Variants in H3C6 observed in about 807,000 individuals in gnomAD.
H3C6 encodes histone H3.1.
A neutral mutation model predicts 8.0 loss-of-function variants in H3C6; 17 were observed. The ratio of observed to expected loss-of-function variants is 2.13; its 90% confidence interval spans 1.46 to 3.19. The LOEUF is 3.19. Ranked by LOEUF, H3C6 falls within the 30% of genes most tolerant of loss-of-function variation. The pLI is 0.00. For synonymous variants in H3C6, 169 were observed against 78.0 expected (o/e 2.17, Z -6.15); for missense variants, 298 against 193.8 (o/e 1.54, Z -3.19).
upstream of H3C6, chr6:26,224,885 G>C (rs550609643): frequency 6.6e-6 from 2 of 300,862 alleles, no homozygotes; most frequent in East Asian, 1.3e-4. Flanking sequence ...TAAGTTAAAT[G>C]ATCAATGTCT....
At chr6:26,227,143 A>G (rs1208491693), downstream of H3C6, 1 of 152,196 alleles carries the variant, frequency 6.6e-6, no homozygotes. Context: ...TGCGTGAGGA[A>G]AACAGCCTAA....
downstream of H3C6, chr6:26,225,741 T>C: frequency 1.2e-6 from 1 of 814,912 alleles, no homozygotes; most frequent in East Asian, 2.9e-5. Flanking sequence ...TTTCCAAATT[T>C]AAGCGCTCCC....
downstream of H3C6, chr6:26,225,866 A>C: frequency 3.8e-6 from 1 of 266,116 alleles, no homozygotes; most frequent in Non-Finnish European, 7.1e-6. Context: ...CGTTTTCTAA[A>C]CTCCTGGCCA....
At position 26,225,565 on chromosome 6, in the gene H3C6, A is replaced by G. The variant is rs773277981; in HGVS notation, c.411A>G (p.Ter137TrpextTer?). 4 of 1,611,710 alleles carry G rather than the reference A, an allele frequency of 2.5e-6. No individual in the cohort carries two copies. The African/African-American group carries it at 4.0e-5, about 16-fold the overall frequency. Residue 137 changes from the stop codon to tryptophan, a stop_lost, in exon 1 of 1, where the codon TGA (stop) becomes TGG (tryptophan). Transcript: ENST00000614911. ...LARRIRGERA[*>W] Reference sequence around the variant, plus strand: ...GCCGCATTCGTGGGGAGAGGGCGTGAATTGTTTTGAGTACAAACCTTAAAT... The same window carrying G: ...GCCGCATTCGTGGGGAGAGGGCGTGGATTGTTTTGAGTACAAACCTTAAAT...
upstream of H3C6, chr6:26,225,109 G>A (rs1278508790): frequency 4.0e-6 from 6 of 1,517,528 alleles, no homozygotes; most frequent in African/African-American, 2.8e-5. Flanking sequence ...TTCCTATATA[G>A]AGGGGCAAAC....
chr6:26,225,598 C>T lies in H3C6; in HGVS notation c.*33C>T, dbSNP rs774369429. On this transcript the variant is annotated 3_prime_UTR_variant, in exon 1 of 1. Transcript: ENST00000614911. Reference sequence around the variant, plus strand: ...TGAGTACAAACCTTAAATCCAAAGGCTCTTCTCAGAGCCAACCACTTTGTC... The same window carrying T: ...TGAGTACAAACCTTAAATCCAAAGGTTCTTCTCAGAGCCAACCACTTTGTC... 7 of 1,591,674 alleles carry T rather than the reference C, an allele frequency of 4.4e-6. No individual in the cohort carries two copies. The highest frequency in any genetic ancestry group is 5.1e-6 in the Non-Finnish European group (6 of 1,169,108).
chr6:26,225,824 A>G, downstream of H3C6: 1 of 406,210 alleles, frequency 2.5e-6, no homozygotes, highest in Non-Finnish European at 4.4e-6. Flanking sequence ...TTTGCTGTTC[A>G]GGCCCTCTGC....
Position 26,225,366 on chromosome 6 carries a change from T to A in H3C6, c.212T>A (p.Leu71Gln). Residue 71 changes from leucine to glutamine, a missense_variant, in exon 1 of 1, where the codon CTG (leucine) becomes CAG (glutamine). Transcript: ENST00000614911. The part of the protein sequence containing the change: ...LLIRKLPFQR[L>Q]VREIAQDFKT... ...ATCCGGAAGCTGCCGTTTCAGCGCCTGGTGCGAGAAATAGCTCAGGACTTC... is the reference window on the plus strand; with the variant it reads ...ATCCGGAAGCTGCCGTTTCAGCGCCAGGTGCGAGAAATAGCTCAGGACTTC... The A allele has an allele frequency of 6.2e-7, 1 of 1,614,258 alleles. No individual in the cohort carries two copies. Among genetic ancestry groups the A allele is most frequent in the Non-Finnish European group, 8.5e-7 (1 of 1,180,040 alleles).
At chr6:26,224,720 A>T (rs1044845908), upstream of H3C6, among the ~76,000 whole-genome samples, 3 of 152,232 alleles carry the variant, frequency 2.0e-5, no homozygotes, top group Admixed American at 2.0e-4. Context: ...AGAGATACTT[A>T]GGCAACGGAT....
At chr6:26,224,275 G>C (rs972136761), upstream of H3C6, 1 of 152,150 alleles carries the variant, frequency 6.6e-6, no homozygotes, top group Non-Finnish European at 1.5e-5. Context: ...GTGTGGAAGC[G>C]AAAACCAAGT....
downstream of H3C6, chr6:26,225,617 C>T (rs1313528255): frequency 1.9e-6 from 3 of 1,560,542 alleles, no homozygotes; most frequent in South Asian, 1.2e-5. Flanking sequence ...GAGCCAACCA[C>T]TTTGTCCGTG....
At chr6:26,225,632 G>A (rs1011263894), downstream of H3C6, 3 of 1,541,160 alleles carry the variant, frequency 1.9e-6, no homozygotes, top group African/African-American at 2.8e-5. Flanking sequence ...TCCGTGAAAA[G>A]GGCTGTAATC....
downstream of H3C6, chr6:26,226,846 ATT>A (rs546787591): frequency 2.0e-5 from 3 of 152,230 alleles, no homozygotes; most frequent in South Asian, 6.2e-4. Flanking sequence ...ATTTGGAAGA[ATT>A]TTGTTTATTT....
downstream of H3C6, chr6:26,225,659 A>G: frequency 7.3e-7 from 1 of 1,377,066 alleles, no homozygotes; most frequent in Non-Finnish European, 1.0e-6. Context: ...GACGCATTAG[A>G]CCACTAAACT....
chr6:26,225,040 C>A, upstream of H3C6: 1 of 1,189,456 alleles, frequency 8.4e-7, no homozygotes, highest in Non-Finnish European at 1.2e-6. Flanking sequence ...CGGCCACTTC[C>A]GGAATTTAGC....
In H3C6 at chr6:26,225,396, C is replaced by T. The variant is rs1765608946; in HGVS notation, c.242C>T (p.Thr81Ile). 4 of 1,614,280 alleles carry T rather than the reference C, an allele frequency of 2.5e-6. No homozygotes were observed. Among genetic ancestry groups the T allele is most frequent in the Non-Finnish European group, 2.5e-6 (3 of 1,180,052 alleles). The change falls in exon 1 of 1, where the codon ACC becomes ATC. Residue 81 changes from threonine to isoleucine, a missense_variant. Coordinates refer to ENST00000614911, the MANE Select transcript of H3C6 (RefSeq NM_003532.3). ...LVREIAQDFK[T>I]DLRFQSSAVM... Reference sequence around the variant, plus strand: ...CGAGAAATAGCTCAGGACTTCAAGACCGACCTGCGCTTCCAGAGTTCCGCG... The same window carrying T: ...CGAGAAATAGCTCAGGACTTCAAGATCGACCTGCGCTTCCAGAGTTCCGCG...
At chr6:26,225,635 C>A, downstream of H3C6, 4 of 1,527,526 alleles carry the variant, frequency 2.6e-6, no homozygotes, top group Middle Eastern at 1.8e-4. Flanking sequence ...GTGAAAAGGG[C>A]TGTAATCCTT....
At chr6:26,225,679 C>A, downstream of H3C6, 2 of 1,233,786 alleles carry the variant, frequency 1.6e-6, no homozygotes, top group Non-Finnish European at 2.3e-6. Flanking sequence ...TGCACTGATC[C>A]AAATAGACAT....
In H3C6 at chr6:26,225,508, G is replaced by A. The variant is rs768528994; in HGVS notation, c.354G>A (p.Val118=). 3.7e-6 allele frequency: 6 copies of A among 1,614,198 alleles called. No individual in the cohort carries two copies. The highest frequency in any genetic ancestry group is 5.1e-6 in the Non-Finnish European group (6 of 1,180,018). The change falls in exon 1 of 1, where the codon GTG becomes GTA. Residue 118 remains valine, a synonymous_variant. Coordinates refer to ENST00000614911, the MANE Select transcript of H3C6 (RefSeq NM_003532.3). The part of the protein sequence containing the change: ...TNLCAIHAKR[V]TIMPKDIQLA... ...TGTGCGCTATTCATGCCAAACGCGT[G>A]ACCATCATGCCTAAAGACATCCAGC...
Sources: gnomAD v4.1 joint callset for allele counts (sites outside exome capture counted in the v4.1 genomes callset) on GRCh38, gnomAD v4.1.1 for gene constraint, MANE v1.5 for transcripts, NCBI Gene and HGNC (gene_info 2026-07-23, HGNC 2026-07-21) for gene names.